DRD3: variants seen among roughly 807,000 people sequenced by gnomAD.
DRD3 encodes the protein dopamine receptor D3.
A neutral mutation model predicts 36.3 loss-of-function variants in DRD3; 19 were observed. The ratio of observed to expected loss-of-function variants is 0.52; its 90% CI spans 0.36 to 0.77. The LOEUF (loss-of-function observed/expected upper bound fraction) is 0.77. Ranked by LOEUF, DRD3 falls within the 30% of genes least tolerant of loss-of-function variation. The pLI is 0.00. For missense variants in DRD3, 465 were observed against 505.3 expected (o/e 0.92, Z 0.77); for synonymous variants, 195 against 203.7 (o/e 0.96, Z 0.36).
At chr3:114,166,015 A>G (rs1389927693) in intron 2 of DRD3, among the ~76,000 whole-genome samples, 1 of 139,692 alleles carries the variant, frequency 7.2e-6, no homozygotes, top group African/African-American at 2.7e-5. Flanking sequence ...TTTGAGACAG[A>G]GTCTCTGTTG....
At chr3:114,168,786 G>A (rs2077811182) in intron 2 of DRD3, among the ~76,000 whole-genome samples, 1 of 152,188 alleles carries the variant, frequency 6.6e-6, no homozygotes, top group Admixed American at 6.5e-5. Flanking sequence ...ATTAAATGCA[G>A]TTAAACCACA....
Position 114,198,357 on chromosome 3 carries a change from G to T in DRD3, c.-156+916C>A, listed in dbSNP as rs375375708. 1.8e-4 allele frequency among the ~76,000 whole-genome samples: 28 copies of T among 151,928 alleles called. No individual in the cohort carries two copies. The East Asian group carries it at 4.7e-3, about 25-fold the overall frequency. ...TAATCCTCCCGCCTCACCTGGTCTC[G>T]AAGTCCTGAGGTCAAGCTATCTGCC... is the stretch of plus-strand genomic sequence containing the variant. On this transcript the variant is annotated intron_variant, in intron 1 of 7. Transcript: ENST00000460779.
intron 1 of DRD3, among the ~76,000 whole-genome samples, chr3:114,192,675 C>A (rs1458958999): frequency 6.6e-6 from 1 of 152,144 alleles, no homozygotes; most frequent in Non-Finnish European, 1.5e-5. Context: ...ATCGAGCTTC[C>A]AATCCTAAAG....
chr3:114,154,331 G>GTGTGTGTGTGTGTGTA (rs1481285691), intron 3 of DRD3, among the ~76,000 whole-genome samples: 11 of 152,060 alleles, frequency 7.2e-5, no homozygotes, highest in Admixed American at 7.2e-4. Flanking sequence ...GGAGATGTGT[G>GTGTGTGTGTGTGTGTA]TGTGTGTGTG....
At position 114,147,401 on chromosome 3, in the gene DRD3, G is replaced by A. The variant is rs778101035; in HGVS notation, c.526+14C>T. The stretch of plus-strand genomic sequence containing the variant: ...GAATCACATGGATGCTAGAAATGAA[G>A]CCATCACTGTTACCTGTGGTATTAA... On this transcript the variant is annotated intron_variant, in intron 4 of 6. Transcript: ENST00000383673. The A allele has an allele frequency of 1.4e-5, 22 of 1,608,306 alleles. No individual in the cohort carries two copies. The highest frequency in any genetic ancestry group is 4.5e-5 in the East Asian group (2 of 44,622).
chr3:114,146,588 A>G (rs1577592880), intron 4 of DRD3, among the ~76,000 whole-genome samples: 2 of 151,478 alleles, frequency 1.3e-5, no homozygotes, highest in East Asian at 3.9e-4. Context: ...AATCCCAGCT[A>G]CTTGGGAGTC....
chr3:114,184,814 C>T (rs1205414040), intron 1 of DRD3, among the ~76,000 whole-genome samples: 1 of 152,102 alleles, frequency 6.6e-6, no homozygotes, highest in Non-Finnish European at 1.5e-5. Context: ...TCTGCCCACC[C>T]TGGCCTCCCA....
Position 114,171,722 on chromosome 3 carries a change from C to T in DRD3, c.270+1G>A, listed in dbSNP as rs759875594. The T allele has an allele frequency of 1.1e-5, 18 of 1,596,518 alleles. No homozygotes were observed. Among genetic ancestry groups the T allele is most frequent in the Non-Finnish European group, 1.5e-5 (18 of 1,171,048 alleles). Reference sequence around the variant, plus strand: ...ACAACATGCACCTGAAGTCTACTCACCTCCAGGTATACCACCCAGGGCATC... The same window carrying T: ...ACAACATGCACCTGAAGTCTACTCATCTCCAGGTATACCACCCAGGGCATC... On this transcript the variant is annotated splice_donor_variant, in intron 2 of 6. Transcript: ENST00000383673. LOFTEE classifies it high-confidence loss of function.
At chr3:114,197,946 T>C (rs1418810875) in intron 1 of DRD3, among the ~76,000 whole-genome samples, 2 of 152,218 alleles carry the variant, frequency 1.3e-5, no homozygotes, top group Non-Finnish European at 2.9e-5. Context: ...CCATATGAAC[T>C]TTAAAACCAG....
intron 1 of DRD3, among the ~76,000 whole-genome samples, chr3:114,189,319 G>T (rs900206872): frequency 6.6e-6 from 1 of 152,218 alleles, no homozygotes; most frequent in Non-Finnish European, 1.5e-5. Flanking sequence ...ATGGCAAGTA[G>T]CTGAAAGATC....
chr3:114,196,612 A>C (rs2078036681), intron 1 of DRD3, among the ~76,000 whole-genome samples: 2 of 151,464 alleles, frequency 1.3e-5, no homozygotes, highest in Non-Finnish European at 2.9e-5. Context: ...CAATGCATAA[A>C]TGTTCCAGCT....
chr3:114,143,536 T>G (rs951721654), intron 4 of DRD3, among the ~76,000 whole-genome samples: 7 of 152,216 alleles, frequency 4.6e-5, no homozygotes, highest in Admixed American at 2.0e-4. Flanking sequence ...ACTTGAAAGA[T>G]TCATGAACTT....
chr3:114,129,106 G>C (rs1013372596), intron 6 of DRD3, among the ~76,000 whole-genome samples, 194 bp from the exon 7 acceptor site: 7 of 152,138 alleles, frequency 4.6e-5, no homozygotes, highest in African/African-American at 1.7e-4. Flanking sequence ...ACTTTGGGAG[G>C]CCGAGGCGGG....
chr3:114,187,540 T>C (rs1258551877), intron 1 of DRD3, among the ~76,000 whole-genome samples: 1 of 152,232 alleles, frequency 6.6e-6, no homozygotes, highest in Admixed American at 6.5e-5. Context: ...AATCTTGTCA[T>C]TGATGTTCAG....
At position 114,129,311 on chromosome 3, in the gene DRD3, C is replaced by T. The variant is rs143663815; in HGVS notation, c.1007-399G>A. On this transcript the variant is annotated intron_variant, in intron 6 of 6. Transcript: ENST00000383673. ...TGAGCCAAGATTGCGCCATTGCACT[C>T]CGGCCTGGGTGACAGAGTAATACTC... Among the ~76,000 whole-genome samples the T allele has an allele frequency of 7.4e-3, 1,123 of 152,102 alleles. 14 individuals are homozygous for T. Among genetic ancestry groups the T allele is most frequent in the African/African-American group, 0.026 (1,066 of 41,494 alleles).
chr3:114,194,953 C>T (rs2078029507), intron 1 of DRD3, among the ~76,000 whole-genome samples: 1 of 152,130 alleles, frequency 6.6e-6, no homozygotes. Flanking sequence ...CAACTTTCTC[C>T]AGACTTACGG....
At chr3:114,184,783 C>T (rs765581298) in intron 1 of DRD3, among the ~76,000 whole-genome samples, 10 of 152,022 alleles carry the variant, frequency 6.6e-5, no homozygotes, top group South Asian at 4.1e-4. Context: ...AGGCTGGTCT[C>T]GAACTCCTGA....
upstream of DRD3, among the ~76,000 whole-genome samples, chr3:114,182,036 T>C (rs2077950961): frequency 6.6e-6 from 1 of 152,200 alleles, no homozygotes; most frequent in African/African-American, 2.4e-5. Flanking sequence ...AACTGGAAGA[T>C]TTGATTATCA....
At chr3:114,178,487 A>T (rs1041878501) in intron 1 of DRD3, among the ~76,000 whole-genome samples, 170 bp downstream of exon 1, 1 of 152,180 alleles carries the variant, frequency 6.6e-6, no homozygotes, top group South Asian at 2.1e-4. Context: ...CTGCTGTCCA[A>T]CCACTTAGAA....
Sources: gnomAD v4.1 joint callset for allele counts (sites outside exome capture counted in the v4.1 genomes callset) on GRCh38, gnomAD v4.1.1 for gene constraint, MANE v1.5 for transcripts, NCBI Gene and HGNC (gene_info 2026-07-23, HGNC 2026-07-21) for gene names.